The following SNTG1 variants were observed in gnomAD, a reference collection of about 807,000 sequenced individuals.
The protein encoded by SNTG1 is syntrophin gamma 1.
A neutral mutation model predicts 74.7 loss-of-function variants in SNTG1; 39 were observed. That is an observed-to-expected ratio of 0.52 (90% CI 0.40 to 0.68). The LOEUF (loss-of-function observed/expected upper bound fraction) is 0.68. SNTG1 is among the 30% of genes least tolerant of loss of function. The pLI is 0.00. For synonymous variants in SNTG1, 254 were observed against 217.1 expected (o/e 1.17, Z -1.49); for missense variants, 685 against 609.5 (o/e 1.12, Z -1.30).
chr8:50,277,993 G>A (rs914150810), intron 2 of SNTG1, among the ~76,000 whole-genome samples: 4 of 152,074 alleles, frequency 2.6e-5, no homozygotes, highest in African/African-American at 9.7e-5. Context: ...GGACAACATG[G>A]TGAAACCCAG....
chr8:50,439,303 A>C (rs1053157692), intron 5 of SNTG1, among the ~76,000 whole-genome samples: 3 of 152,144 alleles, frequency 2.0e-5, no homozygotes, highest in African/African-American at 7.2e-5. Flanking sequence ...ACATCTCTTC[A>C]TAGATAAATG....
chr8:49,983,586 T>C (rs927892777), intron 1 of SNTG1, among the ~76,000 whole-genome samples: 1 of 152,160 alleles, frequency 6.6e-6, no homozygotes, highest in African/African-American at 2.4e-5. Context: ...GAGCACTGAG[T>C]GTGGTGCCTA....
Position 50,256,713 on chromosome 8 carries a change from T to G in SNTG1, c.-28+84078T>G, listed in dbSNP as rs1036142431. ...AGGGATCTTCACTCCCAGAACTGCA[T>G]TTTTAAGAAATCAATGGACAGACCC... On this transcript the variant is annotated intron_variant, in intron 2 of 18. Coordinates refer to ENST00000642720, the MANE Select transcript of SNTG1 (RefSeq NM_018967.5). Among the ~76,000 whole-genome samples, 3 of 152,246 alleles carry G rather than the reference T, an allele frequency of 2.0e-5. No individual in the cohort carries two copies. In the South Asian group the frequency reaches 6.2e-4, roughly 32 times the overall value.
intron 13 of SNTG1, among the ~76,000 whole-genome samples, chr8:50,596,338 G>A (rs1451869688): frequency 6.6e-6 from 1 of 151,918 alleles, no homozygotes; most frequent in African/African-American, 2.4e-5. Context: ...AATGAGTCAT[G>A]CTTTTGAAAT....
chr8:50,439,030 T>A (rs577268214), intron 5 of SNTG1, among the ~76,000 whole-genome samples: 1 of 152,136 alleles, frequency 6.6e-6, no homozygotes. Flanking sequence ...AAAAAAGAAA[T>A]CAGTAAATTT....
chr8:49,938,740 A>AT (rs995941417), intron 1 of SNTG1, among the ~76,000 whole-genome samples: 2 of 129,602 alleles, frequency 1.5e-5, no homozygotes, highest in Admixed American at 1.5e-4. Context: ...ACAAGAGTTT[A>AT]TTTTTTTCCT....
chr8:50,628,548 T>C (rs910579839), intron 13 of SNTG1, among the ~76,000 whole-genome samples: 3 of 152,142 alleles, frequency 2.0e-5, no homozygotes, highest in Non-Finnish European at 4.4e-5. Context: ...CCATTTTTTT[T>C]CTCATTTTCT....
intron 2 of SNTG1, among the ~76,000 whole-genome samples, chr8:50,205,038 A>G (rs1198819229): frequency 2.0e-5 from 3 of 152,202 alleles, no homozygotes; most frequent in Non-Finnish European, 2.9e-5. Flanking sequence ...ATACGTGTGC[A>G]TGTGTCTTTA....
intron 1 of SNTG1, among the ~76,000 whole-genome samples, chr8:50,008,687 T>C (rs372991250): frequency 6.6e-6 from 1 of 152,152 alleles, no homozygotes; most frequent in South Asian, 2.1e-4. Flanking sequence ...CAGATAATGT[T>C]ATGCTGATTT....
intron 1 of SNTG1, among the ~76,000 whole-genome samples, chr8:49,965,809 A>AT (rs1306898479): frequency 1.3e-5 from 2 of 152,014 alleles, no homozygotes; most frequent in African/African-American, 2.4e-5. Context: ...TCTTTTATCT[A>AT]TTTTTTCCCA....
chr8:49,994,574 ATTCTTAT>A (rs1814022752), intron 1 of SNTG1, among the ~76,000 whole-genome samples: 1 of 151,974 alleles, frequency 6.6e-6, no homozygotes, highest in Non-Finnish European at 1.5e-5. Context: ...CAAGATCATT[ATTCTTAT>A]AATGGAACTT....
intron 16 of SNTG1, among the ~76,000 whole-genome samples, chr8:50,706,816 CTTAAT>C (rs1315772494): frequency 6.6e-6 from 1 of 151,704 alleles, no homozygotes; most frequent in Admixed American, 6.6e-5. Context: ...CTTCTATATT[CTTAAT>C]TTATCACTTC....
chr8:50,740,369 A>G (rs1270839937), intron 17 of SNTG1, among the ~76,000 whole-genome samples: 2 of 152,054 alleles, frequency 1.3e-5, no homozygotes, highest in Admixed American at 6.6e-5. Flanking sequence ...ATATGAAAAA[A>G]AAAAAAACCT....
intron 13 of SNTG1, among the ~76,000 whole-genome samples, chr8:50,628,446 A>G (rs2094972288): frequency 3.3e-5 from 5 of 152,110 alleles, no homozygotes; most frequent in Admixed American, 3.3e-4. Flanking sequence ...GATCTTATTT[A>G]GGGTCACTAA....
intron 13 of SNTG1, among the ~76,000 whole-genome samples, chr8:50,627,804 G>A (rs1426118581): frequency 1.3e-5 from 2 of 152,194 alleles, no homozygotes; most frequent in Non-Finnish European, 2.9e-5. Context: ...GAGCTTCCAT[G>A]TCTCCTTCAG....
intron 18 of SNTG1, among the ~76,000 whole-genome samples, chr8:50,780,712 G>T (rs534147182): frequency 6.6e-6 from 1 of 152,134 alleles, no homozygotes; most frequent in African/African-American, 2.4e-5. Context: ...CTTCAGTTCT[G>T]CTCTGATTTT....
chr8:50,277,264 CAAAAAA>C (rs11361478), intron 2 of SNTG1, among the ~76,000 whole-genome samples: 1 of 95,164 alleles, frequency 1.1e-5, no homozygotes, highest in African/African-American at 4.7e-5. Flanking sequence ...AAGACCCTGC[CAAAAAA>C]AAAAAAAAAA....
intron 2 of SNTG1, among the ~76,000 whole-genome samples, chr8:50,244,642 G>T (rs1044981820): frequency 1.3e-5 from 2 of 152,148 alleles, no homozygotes; most frequent in African/African-American, 4.8e-5. Flanking sequence ...TAGCTGTTCT[G>T]AACATAGGGA....
rs184419530 is a variant in SNTG1, at chr8:50,648,249, T to A, written c.850-8660T>A. Reference sequence around the variant, plus strand: ...ATAAAACTGCATACAGTGATGATATTTCTGGAAGAATAATAGTACACCACC... The same window carrying A: ...ATAAAACTGCATACAGTGATGATATATCTGGAAGAATAATAGTACACCACC... On this transcript the variant is annotated intron_variant, in intron 13 of 18. Coordinates refer to ENST00000642720, the MANE Select transcript of SNTG1 (RefSeq NM_018967.5). Among the ~76,000 whole-genome samples, 136 of 152,272 alleles carry A rather than the reference T, an allele frequency of 8.9e-4. 1 individual carries two copies. Among genetic ancestry groups the A allele is most frequent in the African/African-American group, 3.2e-3 (131 of 41,542 alleles).
Sources: allele counts gnomAD v4.1 joint callset (sites outside exome capture counted in the v4.1 genomes callset), GRCh38; gene constraint gnomAD v4.1.1; transcripts MANE v1.5; gene names NCBI Gene and HGNC (gene_info 2026-07-23, HGNC 2026-07-21).